AKAP9: variants seen among roughly 807,000 people sequenced by gnomAD.
The protein encoded by AKAP9 is A-kinase anchor protein 9.
Under a neutral mutation model 488.5 loss-of-function variants are expected in AKAP9, and 311 were observed. The ratio of observed to expected loss-of-function variants is 0.64; its 90% confidence interval spans 0.58 to 0.70. AKAP9 has a LOEUF of 0.70. Ranked by LOEUF, AKAP9 falls within the 30% of genes least tolerant of loss-of-function variation. AKAP9 has a pLI of 0.00. For synonymous variants in AKAP9, 1,462 were observed against 1,483.5 expected (o/e 0.99, Z 0.33); for missense variants, 4,215 against 4,374.5 (o/e 0.96, Z 1.03).
At chr7:92,092,478 T>C (rs1584519073) in intron 38 of AKAP9, 2 of 151,564 alleles carry the variant, frequency 1.3e-5, no homozygotes. Context: ...CTTGAAATTC[T>C]GAATGTACAA....
At chr7:92,073,486 A>G (rs1431473753) in intron 28 of AKAP9, among the ~76,000 whole-genome samples, 1 of 152,154 alleles carries the variant, frequency 6.6e-6, no homozygotes, top group Non-Finnish European at 1.5e-5. Flanking sequence ...AGCGTGGGCA[A>G]CAGAGTGAGA....
At chr7:92,005,729 G>C (rs929829413) in intron 8 of AKAP9, among the ~76,000 whole-genome samples, 3 of 152,100 alleles carry the variant, frequency 2.0e-5, no homozygotes, top group Admixed American at 2.0e-4. Context: ...GCAGTGGCGT[G>C]ATCTCAGCTC....
At chr7:92,105,833 A>G (rs1818423135) in intron 47 of AKAP9, 70 bp downstream of exon 47, 4 of 1,352,614 alleles carry the variant, frequency 3.0e-6, no homozygotes. Flanking sequence ...CCCCCAGACT[A>G]TGGACCATAC....
chr7:91,950,191 C>T (rs1486099184), intron 1 of AKAP9, among the ~76,000 whole-genome samples: 4 of 148,326 alleles, frequency 2.7e-5, no homozygotes, highest in African/African-American at 1.0e-4. Flanking sequence ...ATTGTGGGCT[C>T]TGTGGTTAGG....
intron 19 of AKAP9, among the ~76,000 whole-genome samples, 153 bp downstream of exon 19, chr7:92,042,339 C>G (rs1051070411): frequency 6.6e-6 from 1 of 152,076 alleles, no homozygotes; most frequent in Non-Finnish European, 1.5e-5. Context: ...AGTCAAAATG[C>G]CTTACATTTC....
At chr7:92,087,258 G>A (rs988158291) in intron 37 of AKAP9, among the ~76,000 whole-genome samples, 4 of 152,168 alleles carry the variant, frequency 2.6e-5, no homozygotes, top group East Asian at 1.9e-4. Flanking sequence ...CGAAGAAGAC[G>A]ACGTCAATAG....
At chr7:91,986,384 C>G (rs951093094) in intron 3 of AKAP9, among the ~76,000 whole-genome samples, 1 of 152,178 alleles carries the variant, frequency 6.6e-6, no homozygotes, top group African/African-American at 2.4e-5. Context: ...TGCTTCGGCT[C>G]ACCCTCCATG....
intron 46 of AKAP9, 33 bp downstream of exon 46, chr7:92,102,859 T>G: frequency 6.5e-7 from 1 of 1,527,124 alleles, no homozygotes; most frequent in Non-Finnish European, 9.1e-7. Flanking sequence ...ATTTTACTAG[T>G]AGACTCTCTA....
At chr7:91,967,637 T>C (rs1794580787) in intron 1 of AKAP9, among the ~76,000 whole-genome samples, 1 of 152,230 alleles carries the variant, frequency 6.6e-6, no homozygotes, top group African/African-American at 2.4e-5. Context: ...TCCTTGTGTC[T>C]TTGGGATGAA....
At chr7:91,978,966 C>T (rs1438242514) in intron 2 of AKAP9, among the ~76,000 whole-genome samples, 19 of 127,440 alleles carry the variant, frequency 1.5e-4, no homozygotes, top group African/African-American at 4.0e-4. Context: ...TTAGTAAAGA[C>T]GAGAGTTCAC....
At chr7:92,029,631 G>A (rs972378606) in intron 14 of AKAP9, among the ~76,000 whole-genome samples, 10 of 151,960 alleles carry the variant, frequency 6.6e-5, no homozygotes, top group South Asian at 2.1e-4. Flanking sequence ...AAAAACAGTC[G>A]GTACTTATGG....
At chr7:92,048,858 A>G (rs1807445424) in intron 21 of AKAP9, among the ~76,000 whole-genome samples, 1 of 150,888 alleles carries the variant, frequency 6.6e-6, no homozygotes, top group Non-Finnish European at 1.5e-5. Flanking sequence ...GTGAGCCGAG[A>G]TCACACCACT....
At chr7:92,079,011 ATAAAG>A (rs1813070895) in intron 30 of AKAP9, 63 bp from the exon 31 acceptor site, 1 of 1,141,558 alleles carries the variant, frequency 8.8e-7, no homozygotes, top group Non-Finnish European at 1.2e-6. Flanking sequence ...CTGCCCTAAA[ATAAAG>A]TAAAATTTTC....
At chr7:92,018,421 CACACACACACACACACACACAG>C (rs1312867230) in intron 12 of AKAP9, among the ~76,000 whole-genome samples, 13 of 130,492 alleles carry the variant, frequency 1.0e-4, no homozygotes, top group African/African-American at 2.9e-4. Context: ...CACACACACA[CACACACACACACACACACACAG>C]AGAAATATTC....
chr7:92,033,904 CA>C (rs1804720712), intron 16 of AKAP9, among the ~76,000 whole-genome samples: 1 of 152,242 alleles, frequency 6.6e-6, no homozygotes, highest in Admixed American at 6.5e-5. Flanking sequence ...TGAAGTATAA[CA>C]GAGAATAAAA....
chr7:91,974,727 A>C (rs546934227), intron 2 of AKAP9, among the ~76,000 whole-genome samples: 1 of 152,294 alleles, frequency 6.6e-6, no homozygotes, highest in East Asian at 1.9e-4. Flanking sequence ...TTTTCAACCT[A>C]TGAACACAGG....
Position 92,020,594 on chromosome 7 carries a change from A to G in AKAP9, c.3838-1644A>G, listed in dbSNP as rs116582468. ...TTGCATTTGTATCACATTACTTTTC[A>G]TGTTATATAATTGTTTACCATTCTG... On this transcript the variant is annotated intron_variant, in intron 12 of 49. Coordinates refer to ENST00000356239, the MANE Select transcript of AKAP9 (RefSeq NM_005751.5). Among the ~76,000 whole-genome samples, 799 of 152,110 alleles carry G rather than the reference A, an allele frequency of 5.3e-3. 11 individuals carry two copies. Among genetic ancestry groups the G allele is most frequent in the African/African-American group, 0.018 (766 of 41,484 alleles).
intron 14 of AKAP9, among the ~76,000 whole-genome samples, chr7:92,024,226 A>G (rs1287115959): frequency 1.3e-5 from 2 of 151,566 alleles, no homozygotes; most frequent in East Asian, 1.9e-4. Flanking sequence ...AGCCTGGCCA[A>G]TATGGCAAAC....
chr7:92,014,970 G>A (rs999188018), intron 10 of AKAP9, among the ~76,000 whole-genome samples: 2 of 152,096 alleles, frequency 1.3e-5, no homozygotes, highest in Non-Finnish European at 2.9e-5. Context: ...CATCTTTCTG[G>A]GTCCCAGTTT....
Sources: gnomAD v4.1 joint callset for allele counts (sites outside exome capture counted in the v4.1 genomes callset) on GRCh38, gnomAD v4.1.1 for gene constraint, MANE v1.5 for transcripts, NCBI Gene and HGNC (gene_info 2026-07-23, HGNC 2026-07-21) for gene names.